DMRT1: variants seen among roughly 807,000 people sequenced by gnomAD.
The protein encoded by DMRT1 is doublesex- and mab-3-related transcription factor 1.
In DMRT1, 7 loss-of-function variants were observed where a neutral mutation model predicts 32.3. That is an observed-to-expected ratio of 0.22 (90% CI 0.12 to 0.41). DMRT1 has a LOEUF of 0.41. Ranked by LOEUF, DMRT1 falls within the 10% of genes least tolerant of loss-of-function variation. The probability of loss-of-function intolerance (pLI) is 1.00; values close to 1 mark genes in which losing one functional copy is unlikely to be tolerated. For missense variants in DMRT1, 625 were observed against 500.5 expected, an observed-to-expected ratio of 1.25 and a Z score of -2.37; for synonymous variants, 278 against 206.1, an observed-to-expected ratio of 1.35 and a Z score of -2.99.
intron 4 of DMRT1, among the ~76,000 whole-genome samples, chr9:931,949 T>A (rs1276854369): frequency 6.6e-6 from 1 of 152,214 alleles, no homozygotes; most frequent in Non-Finnish European, 1.5e-5. Context: ...TTGTGTGTTT[T>A]CAGGTCTTAC....
intron 4 of DMRT1, among the ~76,000 whole-genome samples, chr9:932,071 C>T (rs979368364): frequency 6.6e-6 from 1 of 152,190 alleles, no homozygotes; most frequent in Non-Finnish European, 1.5e-5. Context: ...CCAGCGGTGG[C>T]TCTCAGAGAT....
chr9:952,074 C>G (rs916164917), intron 4 of DMRT1, among the ~76,000 whole-genome samples: 3 of 150,758 alleles, frequency 2.0e-5, no homozygotes, highest in Non-Finnish European at 2.9e-5. Flanking sequence ...AATGATTGCC[C>G]AGGGTCCCAT....
rs1003010415 is a variant in DMRT1, at chr9:939,620, G to A, written c.967+22713G>A. ...ACACCTAAGCTACAAAGAGGGCTTTGCATTATTCTCTGCTTAACTCCTATT... is the reference window on the plus strand; with the variant it reads ...ACACCTAAGCTACAAAGAGGGCTTTACATTATTCTCTGCTTAACTCCTATT... On this transcript the variant is annotated intron_variant, in intron 4 of 4. Transcript: ENST00000382276. Among the ~76,000 whole-genome samples, 37 of 152,228 alleles carry A rather than the reference G, an allele frequency of 2.4e-4. 1 individual carries two copies. The highest frequency in any genetic ancestry group is 8.9e-4 in the African/African-American group (37 of 41,540).
chr9:901,146 C>T (rs937327340), intron 3 of DMRT1, among the ~76,000 whole-genome samples: 4 of 152,148 alleles, frequency 2.6e-5, no homozygotes, highest in African/African-American at 4.8e-5. Flanking sequence ...CCCTCAGTAG[C>T]TGAGGCTACA....
At chr9:913,355 C>G (rs989762954) in intron 3 of DMRT1, among the ~76,000 whole-genome samples, 2 of 152,252 alleles carry the variant, frequency 1.3e-5, no homozygotes, top group East Asian at 3.9e-4. Context: ...GTGTTCACTA[C>G]TCAGACTGTG....
chr9:900,296 A>C (rs1263852608), intron 3 of DMRT1, among the ~76,000 whole-genome samples: 1 of 152,176 alleles, frequency 6.6e-6, no homozygotes, highest in Non-Finnish European at 1.5e-5. Flanking sequence ...TGGGAAGGGC[A>C]CTCAGAAAAG....
In DMRT1 at chr9:893,894, T is replaced by A. The variant is rs1817246223; in HGVS notation, c.539-18T>A. 1.2e-6 allele frequency: 2 copies of A among 1,611,766 alleles called. No homozygotes were observed. Among genetic ancestry groups the A allele is most frequent in the Non-Finnish European group, 1.7e-6 (2 of 1,178,958 alleles). On this transcript the variant is annotated intron_variant, in intron 2 of 4. Coordinates refer to ENST00000382276, the MANE Select transcript of DMRT1 (RefSeq NM_021951.3). ...ACATTAATACCATGTTGTATTTTTC[T>A]TTTTTCTTCCAATTTAGAGGGACGT...
At chr9:888,183 T>G (rs1817004574) in intron 2 of DMRT1, among the ~76,000 whole-genome samples, 1 of 152,224 alleles carries the variant, frequency 6.6e-6, no homozygotes, top group South Asian at 2.1e-4. Flanking sequence ...GAAGAAAGTC[T>G]GGATGTAAGC....
chr9:962,810 T>C (rs1819817858), intron 4 of DMRT1, among the ~76,000 whole-genome samples: 1 of 152,162 alleles, frequency 6.6e-6, no homozygotes, highest in African/African-American at 2.4e-5. Flanking sequence ...GTAAGTTTGA[T>C]GGGTGCATTA....
intron 4 of DMRT1, among the ~76,000 whole-genome samples, chr9:931,963 C>G (rs1049747211): frequency 6.6e-6 from 1 of 152,108 alleles, no homozygotes; most frequent in Non-Finnish European, 1.5e-5. Flanking sequence ...GTCTTACTGC[C>G]TCAATTCTGG....
In DMRT1 at chr9:842,317, C is replaced by T. The variant is rs534106583; in HGVS notation, c.354+125C>T. On this transcript the variant is annotated intron_variant, in intron 1 of 4. Coordinates refer to ENST00000382276, the MANE Select transcript of DMRT1 (RefSeq NM_021951.3). ...TGGCGCGATCTTGGCTCACTGCAAC[C>T]TCCGCTTCCCGGGTTCAAGCAATTC... The T allele has an allele frequency of 3.3e-4, 334 of 1,007,230 alleles. 1 individual carries two copies. In the African/African-American group the frequency reaches 6.0e-3, roughly 18 times the overall value. 62.4% of individuals were successfully genotyped at this position (1,007,230 alleles called of 1,614,324 possible).
At chr9:876,015 A>G (rs951184981) in intron 2 of DMRT1, among the ~76,000 whole-genome samples, 2 of 152,040 alleles carry the variant, frequency 1.3e-5, no homozygotes, top group Non-Finnish European at 2.9e-5. Flanking sequence ...TACACTGGGG[A>G]TGCTGGAGTT....
intron 2 of DMRT1, among the ~76,000 whole-genome samples, chr9:886,734 G>C (rs566422216): frequency 1.3e-5 from 2 of 152,110 alleles, no homozygotes; most frequent in Admixed American, 6.5e-5. Context: ...TGGCGTATCA[G>C]TTGGAAATAT....
At chr9:886,658 G>A (rs1178547497) in intron 2 of DMRT1, among the ~76,000 whole-genome samples, 17 of 151,866 alleles carry the variant, frequency 1.1e-4, no homozygotes, top group Admixed American at 9.2e-4. Context: ...ACCACTTTTT[G>A]AAAACTTTAT....
At chr9:843,692 A>C (rs1360884487) in intron 1 of DMRT1, among the ~76,000 whole-genome samples, 2 of 152,220 alleles carry the variant, frequency 1.3e-5, no homozygotes, top group East Asian at 3.8e-4. Flanking sequence ...AGGTTATTTA[A>C]AATGAAAAGA....
intron 2 of DMRT1, among the ~76,000 whole-genome samples, chr9:865,323 G>C (rs1332471277): frequency 1.3e-5 from 2 of 152,010 alleles, no homozygotes; most frequent in African/African-American, 2.4e-5. Context: ...ATTTTCAGCA[G>C]TTCATTTAAC....
intron 2 of DMRT1, among the ~76,000 whole-genome samples, chr9:861,949 G>C (rs12004103): frequency 0.9 from 126,704 of 140,098 alleles, 57,448 homozygotes; most frequent in Middle Eastern, 0.98. Context: ...TGATGGGCGG[G>C]CGGGCAGAGA....
chr9:888,755 T>C (rs1035341923), intron 2 of DMRT1, among the ~76,000 whole-genome samples: 6 of 143,584 alleles, frequency 4.2e-5, no homozygotes, highest in Admixed American at 1.4e-4. Flanking sequence ...AGGTATCTCA[T>C]ATTTTTAGGA....
rs150285265 is a variant in DMRT1, at chr9:853,308, A to G, written c.538+6165A>G. On this transcript the variant is annotated intron_variant, in intron 2 of 4. Transcript: ENST00000382276. The stretch of plus-strand genomic sequence containing the variant: ...TTTGCTCTTGTTGATGTACTTTTTA[A>G]TGGGTTTGGACAAATGTGTAATAGC... 2.8e-3 allele frequency among the ~76,000 whole-genome samples: 432 copies of G among 152,164 alleles called. 1 individual carries two copies. The highest frequency in any genetic ancestry group is 6.8e-3 in the Middle Eastern group (2 of 294).
Sources: allele counts gnomAD v4.1 joint callset (sites outside exome capture counted in the v4.1 genomes callset), GRCh38; gene constraint gnomAD v4.1.1; transcripts MANE v1.5; gene names NCBI Gene and HGNC (gene_info 2026-07-23, HGNC 2026-07-21).